Variants in ENOX2 observed in about 807,000 individuals in gnomAD.
ENOX2 encodes APK1 antigen.
ENOX2 carries 36 observed loss-of-function variants against 45.0 expected under a neutral mutation model. That is an observed-to-expected ratio of 0.80 (90% CI 0.61 to 1.06). ENOX2 has a LOEUF of 1.06. ENOX2 is among the 50% of genes least tolerant of loss of function. ENOX2 has a pLI of 0.00. For missense variants in ENOX2, 423 were observed against 462.5 expected (o/e 0.91, Z 0.78); for synonymous variants, 174 against 152.3 (o/e 1.14, Z -1.05).
chrX:130,876,535 T>A (rs1408682968), intron 2 of ENOX2, among the ~76,000 whole-genome samples: 1 of 111,678 alleles, frequency 9.0e-6, no homozygotes, highest in Non-Finnish European at 1.9e-5. Context: ...AAATTAGATT[T>A]TTGGTGAGGG....
chrX:130,794,825 CTT>C (rs1264763083), intron 2 of ENOX2, among the ~76,000 whole-genome samples: 1 of 112,344 alleles, frequency 8.9e-6, no homozygotes, highest in African/African-American at 3.2e-5. Context: ...ACCAGATTTC[CTT>C]TCTTTGTTTA....
intron 3 of ENOX2, among the ~76,000 whole-genome samples, chrX:130,719,529 T>A (rs1361932136): frequency 1.8e-5 from 2 of 110,440 alleles, no homozygotes; most frequent in South Asian, 7.7e-4. Flanking sequence ...TTTCAGGTTG[T>A]AAGGCTCTTG....
chrX:130,901,697 T>C lies in ENOX2; in HGVS notation c.-196A>G, dbSNP rs757402158. 8.9e-6 allele frequency: 1 copy of C among 112,452 alleles called. No individual in the cohort carries two copies. Among genetic ancestry groups the C allele is most frequent in the Non-Finnish European group, 1.9e-5 (1 of 53,276 alleles). The allele number at this position is 112,452 out of a possible 1,213,427, so 9.3% of individuals were successfully genotyped here. A position where few individuals can be genotyped will look rare whatever the true frequency, so the allele number is the denominator to read the frequency against. On this transcript the variant is annotated 5_prime_UTR_variant, in exon 2 of 15. Coordinates refer to ENST00000394363, the MANE Select transcript of ENOX2 (RefSeq NM_006375.4). ...CCTGGAACATACCATCACACTTCTT[T>C]GTGTTCTCCAAGAATTGATCTCAAA...
chrX:130,635,737 G>C lies in ENOX2; in HGVS notation c.1312-646C>G, dbSNP rs1273913820. On this transcript the variant is annotated intron_variant, in intron 11 of 14. Transcript: ENST00000394363. The stretch of plus-strand genomic sequence containing the variant: ...AACGCCATTCAGATAGTCAGTGGCA[G>C]AGCTGGGATTTAAAACCAGGTTGGG... 1.8e-5 allele frequency among the ~76,000 whole-genome samples: 2 copies of C among 111,826 alleles called. 1 individual carries two copies. Among genetic ancestry groups the C allele is most frequent in the African/African-American group, 6.5e-5 (2 of 30,779 alleles).
intron 2 of ENOX2, among the ~76,000 whole-genome samples, chrX:130,899,935 T>C (rs933579783): frequency 8.9e-6 from 1 of 112,170 alleles, no homozygotes; most frequent in Non-Finnish European, 1.9e-5. Flanking sequence ...AATATTAACA[T>C]CCACCAAGTC....
rs188376467 is a variant in ENOX2 at position 130,762,252 on chromosome X, G to A, written c.-39+21295C>T. Among the ~76,000 whole-genome samples, 93 of 111,807 alleles carry A rather than the reference G, an allele frequency of 8.3e-4. 2 individuals carry two copies. The highest frequency in any genetic ancestry group is 2.9e-3 in the African/African-American group (89 of 30,784). ...TGCTTCCCATAAATTTTGATATGTTGTATTTTCATTTTCATTCAGTTCAAT... is the reference window on the plus strand; with the variant it reads ...TGCTTCCCATAAATTTTGATATGTTATATTTTCATTTTCATTCAGTTCAAT... On this transcript the variant is annotated intron_variant, in intron 3 of 14. Coordinates refer to ENST00000394363, the MANE Select transcript of ENOX2 (RefSeq NM_006375.4).
At chrX:130,870,308 A>G (rs2078554862) in intron 2 of ENOX2, among the ~76,000 whole-genome samples, 1 of 112,216 alleles carries the variant, frequency 8.9e-6, no homozygotes, top group Non-Finnish European at 1.9e-5. Context: ...ACTGATTACT[A>G]TGATTTTTAC....
At chrX:130,833,663 C>T (rs2148490118) in intron 2 of ENOX2, among the ~76,000 whole-genome samples, 1 of 110,943 alleles carries the variant, frequency 9.0e-6, no homozygotes, top group Non-Finnish European at 1.9e-5. Flanking sequence ...GAAAGGATAT[C>T]CGAAAAATGA....
chrX:130,810,106 G>A (rs971808915), intron 2 of ENOX2, among the ~76,000 whole-genome samples: 3 of 110,542 alleles, frequency 2.7e-5, no homozygotes, highest in African/African-American at 9.9e-5. Flanking sequence ...ATGCAGCACA[G>A]TATGGAAAGA....
At chrX:130,845,989 G>T (rs764075790) in intron 2 of ENOX2, among the ~76,000 whole-genome samples, 38 of 111,991 alleles carry the variant, frequency 3.4e-4, no homozygotes, top group African/African-American at 1.1e-3. Flanking sequence ...ACATATATTT[G>T]TAGGGCTCCT....
chrX:130,817,820 G>C (rs1242631363), intron 2 of ENOX2, among the ~76,000 whole-genome samples: 1 of 111,967 alleles, frequency 8.9e-6, no homozygotes, highest in Non-Finnish European at 1.9e-5. Flanking sequence ...ATACTGAATG[G>C]GCAGAAGCTG....
chrX:130,675,717 A>C (rs1266414891), intron 6 of ENOX2, among the ~76,000 whole-genome samples: 1 of 111,548 alleles, frequency 9.0e-6, no homozygotes, highest in Non-Finnish European at 1.9e-5. Context: ...TGGTTGCCTG[A>C]AGGGAGAGTG....
intron 3 of ENOX2, among the ~76,000 whole-genome samples, chrX:130,749,177 T>G (rs1170128318): frequency 8.9e-6 from 1 of 111,878 alleles, no homozygotes; most frequent in African/African-American, 3.2e-5. Flanking sequence ...CTTGAAGACA[T>G]TTAAAGTGAA....
At chrX:130,637,695 C>G (rs764350827) in intron 10 of ENOX2, among the ~76,000 whole-genome samples, 3 of 111,568 alleles carry the variant, frequency 2.7e-5, no homozygotes, top group African/African-American at 9.8e-5. Context: ...AATAACAGCC[C>G]TATAATAATA....
intron 2 of ENOX2, among the ~76,000 whole-genome samples, chrX:130,899,708 T>C (rs1428598238): frequency 1.8e-5 from 2 of 111,991 alleles, no homozygotes; most frequent in Non-Finnish European, 3.8e-5. Context: ...CCTTGAATAT[T>C]TGTGCTACTG....
chrX:130,791,403 C>A (rs140582084), intron 2 of ENOX2, among the ~76,000 whole-genome samples: 2,605 of 110,999 alleles, frequency 0.023, 37 homozygotes, highest in Admixed American at 0.085. Context: ...CTGAACTCAG[C>A]TACAATTTGG....
At chrX:130,814,935 A>C (rs1271057650) in intron 2 of ENOX2, among the ~76,000 whole-genome samples, 1 of 111,745 alleles carries the variant, frequency 8.9e-6, no homozygotes, top group African/African-American at 3.3e-5. Flanking sequence ...AAGGTGGGTA[A>C]TAACAAACTC....
intron 3 of ENOX2, among the ~76,000 whole-genome samples, chrX:130,774,845 T>C (rs2039815378): frequency 1.8e-5 from 2 of 112,240 alleles, no homozygotes; most frequent in Non-Finnish European, 3.8e-5. Context: ...CCTATTTACC[T>C]ATACCACACA....
intron 2 of ENOX2, among the ~76,000 whole-genome samples, chrX:130,856,655 C>T (rs2078312107): frequency 9.0e-6 from 1 of 110,564 alleles, no homozygotes; most frequent in African/African-American, 3.3e-5. Flanking sequence ...TATATATATT[C>T]TTATATATCT....
Sources: gnomAD v4.1 joint callset for allele counts (sites outside exome capture counted in the v4.1 genomes callset) on GRCh38, gnomAD v4.1.1 for gene constraint, MANE v1.5 for transcripts, NCBI Gene and HGNC (gene_info 2026-07-23, HGNC 2026-07-21) for gene names.